The following SERTAD2 variants were observed in gnomAD, a reference collection of about 807,000 sequenced individuals.
The protein encoded by SERTAD2 is SERTA domain-containing protein 2.
Under a neutral mutation model 15.4 loss-of-function variants are expected in SERTAD2, and 2 were observed. That is an observed-to-expected ratio of 0.13 (90% confidence interval 0.05 to 0.41). The LOEUF is 0.41. Among genes scored for constraint, SERTAD2 ranks in the 10% least tolerant of loss-of-function variants. SERTAD2 has a pLI of 0.99. For synonymous variants in SERTAD2, 180 were observed against 178.0 expected, an observed-to-expected ratio of 1.01 and a Z score of -0.09; for missense variants, 333 against 409.7, an observed-to-expected ratio of 0.81 and a Z score of 1.62.
chr2:64,636,758 C>G lies in SERTAD2; in HGVS notation c.114G>C (p.Gln38His). 6.2e-7 allele frequency: 1 copy of G among 1,614,178 alleles called. No homozygotes were observed. Among genetic ancestry groups the G allele is most frequent in the South Asian group, 1.1e-5 (1 of 91,076 alleles). Reference protein sequence around the residue: ...PSKVSYTLQRQTIFNISLMKL... With the variant: ...PSKVSYTLQRHTIFNISLMKL... ...TCATAAGGGAAATGTTGAAGATAGT[C>G]TGGCGCTGTAAGGTGTAAGACACCT... Residue 38 changes from glutamine to histidine, a missense_variant, in exon 2 of 2, where the codon CAG (glutamine) becomes CAC (histidine). This residue lies in a region of SERTAD2 where 332 missense variants were observed against 392.9 expected (regional missense o/e 0.84). Coordinates refer to ENST00000313349, the MANE Select transcript of SERTAD2 (RefSeq NM_014755.3).
intron 1 of SERTAD2, among the ~76,000 whole-genome samples, chr2:64,642,380 A>G (rs55650562): frequency 0.02 from 2,988 of 152,338 alleles, 83 homozygotes; most frequent in African/African-American, 0.066. Context: ...AGAGTAAGTA[A>G]CATCTCCCAC....
chr2:64,647,746 A>C (rs1239883115), intron 1 of SERTAD2, among the ~76,000 whole-genome samples: 1 of 152,118 alleles, frequency 6.6e-6, no homozygotes, highest in South Asian at 2.1e-4. Context: ...TTTTAGAACA[A>C]TTCTGTGAAA....
chr2:64,635,851 G>T lies in SERTAD2; in HGVS notation c.*76C>A. 1 of 1,139,024 alleles carries T rather than the reference G, an allele frequency of 8.8e-7. No individual in the cohort carries two copies. The highest frequency in any genetic ancestry group is 1.3e-6 in the Non-Finnish European group (1 of 778,660). The allele number at this position is 1,139,024 out of a possible 1,614,324, so 70.6% of individuals were successfully genotyped here. On this transcript the variant is annotated 3_prime_UTR_variant, in exon 2 of 2. Transcript: ENST00000313349. ...CTGAAAAAGGCAAGCAAGGGTGCAT[G>T]CACAGTGTGGAGAACTGTCAGGGTT...
Position 64,636,480 on chromosome 2 carries a change from G to C in SERTAD2, c.392C>G (p.Thr131Ser). The C allele has an allele frequency of 6.2e-7, 1 of 1,613,872 alleles. No homozygotes were observed. The highest frequency in any genetic ancestry group is 8.5e-7 in the Non-Finnish European group (1 of 1,179,876). ...GTCGTCCTCGAGCAGTGAGGCCGGG[G>C]TGAGGCAGGCCTCCAGGGGCGTAGT... ...GSTTPLEACL[T>S]PASLLEDDDD... The change falls in exon 2 of 2, where the codon ACC (threonine) becomes AGC (serine). Residue 131 changes from threonine to serine, a missense_variant. Coordinates refer to ENST00000313349, the MANE Select transcript of SERTAD2 (RefSeq NM_014755.3).
In SERTAD2 at chr2:64,634,692, GA is replaced by G. The variant is rs1236237316; in HGVS notation, c.*1234del. 5 of 152,176 alleles carry G rather than the reference GA, an allele frequency of 3.3e-5. No homozygotes were observed. Among genetic ancestry groups the G allele is most frequent in the Non-Finnish European group, 5.9e-5 (4 of 68,040 alleles). The allele number at this position is 152,176 out of a possible 1,614,324, so 9.4% of individuals were successfully genotyped here. A position where few individuals can be genotyped will look rare whatever the true frequency, so the allele number is the denominator to read the frequency against. The stretch of plus-strand genomic sequence containing the variant: ...AGCAACATGATGGATGCCTTCTGGG[GA>G]GATTTTCTTCTTTAAGGGCCCTAAG... On this transcript the variant is annotated 3_prime_UTR_variant, in exon 2 of 2. Coordinates refer to ENST00000313349, the MANE Select transcript of SERTAD2 (RefSeq NM_014755.3).
At chr2:64,652,788 G>A (rs1304853057) in intron 1 of SERTAD2, among the ~76,000 whole-genome samples, 1 of 152,022 alleles carries the variant, frequency 6.6e-6, no homozygotes. Flanking sequence ...GTGAAACTTA[G>A]AAACTAAACC....
chr2:64,644,962 A>C (rs1261185455), intron 1 of SERTAD2: 2 of 151,814 alleles, frequency 1.3e-5, no homozygotes, highest in African/African-American at 4.9e-5. Context: ...ATTTACAGAC[A>C]GGGTAAGTAA....
chr2:64,646,869 A>G (rs1277702452), intron 1 of SERTAD2, among the ~76,000 whole-genome samples: 1 of 152,268 alleles, frequency 6.6e-6, no homozygotes, highest in African/African-American at 2.4e-5. Context: ...AGAAACCAAC[A>G]GTTCAGAATT....
At chr2:64,642,399 T>C (rs1166774676) in intron 1 of SERTAD2, among the ~76,000 whole-genome samples, 1 of 152,144 alleles carries the variant, frequency 6.6e-6, no homozygotes, top group Non-Finnish European at 1.5e-5. Flanking sequence ...ACTACTACAT[T>C]TTGCATTTTG....
In SERTAD2 at chr2:64,653,905, T is replaced by G. The variant is rs1382890183; in HGVS notation, c.-290A>C. 2.0e-5 allele frequency: 3 copies of G among 150,248 alleles called. No individual in the cohort carries two copies. Among genetic ancestry groups the G allele is most frequent in the African/African-American group, 7.3e-5 (3 of 40,918 alleles). 9.3% of individuals were successfully genotyped at this position (150,248 alleles called of 1,614,324 possible). On this transcript the variant is annotated 5_prime_UTR_variant, in exon 1 of 2. Transcript: ENST00000313349. Reference sequence around the variant, plus strand: ...GTACGTCGTGCTCCAGCACTCGCCGTGCAGGAGTGACGTGCGGCCCGCGAG... The same window carrying G: ...GTACGTCGTGCTCCAGCACTCGCCGGGCAGGAGTGACGTGCGGCCCGCGAG...
At chr2:64,637,153 A>G (rs746612423) in intron 1 of SERTAD2, among the ~76,000 whole-genome samples, 7 of 152,214 alleles carry the variant, frequency 4.6e-5, no homozygotes, top group Non-Finnish European at 8.8e-5. Context: ...AGACAAGTTA[A>G]GAATTACCAT....
intron 1 of SERTAD2, among the ~76,000 whole-genome samples, chr2:64,652,069 A>T (rs1675023888): frequency 6.6e-6 from 1 of 152,178 alleles, no homozygotes; most frequent in Admixed American, 6.5e-5. Flanking sequence ...TACCCCTCTA[A>T]AGAAGTCAAT....
Position 64,636,210 on chromosome 2 carries a change from A to T in SERTAD2, c.662T>A (p.Leu221Gln). The T allele has an allele frequency of 6.2e-7, 1 of 1,614,204 alleles. No homozygotes were observed. The highest frequency in any genetic ancestry group is 1.1e-5 in the South Asian group (1 of 91,076). Residue 221 changes from leucine to glutamine, a missense_variant, in exon 2 of 2, where the codon CTG becomes CAG. Leu to Gln is a moderately radical substitution (Grantham distance 113). Around this residue, in one of 2 missense-constraint regions of SERTAD2, gnomAD observed 332 missense variants for 392.9 expected, o/e 0.84. Transcript: ENST00000313349. ...AAAATTCCCAGGCAGAGAGTCCATC[A>T]GTTTTGAGTCATCTGCGCGGCTCTC... ...PQESRADDSKLMDSLPGNFEI... is the reference protein window; with the variant it reads ...PQESRADDSKQMDSLPGNFEI...
rs1198968381 is a variant in SERTAD2, at chr2:64,634,146, AT to A, written c.*1780del. 6.6e-6 allele frequency: 1 copy of A among 152,376 alleles called. No individual in the cohort carries two copies. The highest frequency in any genetic ancestry group is 1.9e-4 in the East Asian group (1 of 5,192). The allele number at this position is 152,376 out of a possible 1,614,324, so 9.4% of individuals were successfully genotyped here. On this transcript the variant is annotated 3_prime_UTR_variant, in exon 2 of 2. Transcript: ENST00000313349. ...CAACAAAACATCCCATAATTTAAAA[AT>A]TTTTAAATAAATATAAAAGTTATTC...
rs949278195 is a variant in SERTAD2, at chr2:64,634,117, A to C, written c.*1810T>G. 1 of 152,506 alleles carries C rather than the reference A, an allele frequency of 6.6e-6. No homozygotes were observed. The highest frequency in any genetic ancestry group is 1.9e-4 in the East Asian group (1 of 5,204). 9.4% of individuals were successfully genotyped at this position (152,506 alleles called of 1,614,324 possible). On this transcript the variant is annotated 3_prime_UTR_variant, in exon 2 of 2. Coordinates refer to ENST00000313349, the MANE Select transcript of SERTAD2 (RefSeq NM_014755.3). The stretch of plus-strand genomic sequence containing the variant: ...CAAATGACCAACAACAAAGACAACA[A>C]CAACAACAAAACATCCCATAATTTA...
chr2:64,638,871 A>G (rs1376133755), intron 1 of SERTAD2, among the ~76,000 whole-genome samples: 1 of 152,228 alleles, frequency 6.6e-6, no homozygotes, highest in Non-Finnish European at 1.5e-5. Context: ...AACATTTCCT[A>G]TCTAAAGTAT....
rs1573077878 is a variant in SERTAD2 at position 64,632,050 on chromosome 2, A to G, written c.*3877T>C. 6.5e-6 allele frequency: 1 copy of G among 152,788 alleles called. No individual in the cohort carries two copies. Among genetic ancestry groups the G allele is most frequent in the Non-Finnish European group, 1.5e-5 (1 of 68,042 alleles). 9.5% of individuals were successfully genotyped at this position (152,788 alleles called of 1,614,324 possible). ...TTAGAAACACTGAAAACAATTGTAC[A>G]TAAGCAGGATGCACACAACTCCATG... On this transcript the variant is annotated 3_prime_UTR_variant, in exon 2 of 2. Coordinates refer to ENST00000313349, the MANE Select transcript of SERTAD2 (RefSeq NM_014755.3).
At chr2:64,638,578 G>C (rs1489359385) in intron 1 of SERTAD2, among the ~76,000 whole-genome samples, 1 of 152,228 alleles carries the variant, frequency 6.6e-6, no homozygotes, top group African/African-American at 2.4e-5. Context: ...CTCCAGAAGA[G>C]ACAGATGAAC....
In SERTAD2 at chr2:64,642,055, G is replaced by T. The variant is rs1331717977; in HGVS notation, c.-4-5180C>A. ...CCTCATCAGGCCATTTCAAGTTTAGGCCGGAGGATATCTTTATTCAGTTAA... is the reference window on the plus strand; with the variant it reads ...CCTCATCAGGCCATTTCAAGTTTAGTCCGGAGGATATCTTTATTCAGTTAA... On this transcript the variant is annotated intron_variant, in intron 1 of 1. Coordinates refer to ENST00000313349, the MANE Select transcript of SERTAD2 (RefSeq NM_014755.3). Among the ~76,000 whole-genome samples, 3 of 152,288 alleles carry T rather than the reference G, an allele frequency of 2.0e-5. No individual in the cohort carries two copies. The East Asian group carries it at 5.8e-4, about 29-fold the overall frequency.
Sources: allele counts gnomAD v4.1 joint callset (sites outside exome capture counted in the v4.1 genomes callset), GRCh38; gene constraint gnomAD v4.1.1; regional missense constraint gnomAD v4.1.1; transcripts MANE v1.5; gene names NCBI Gene and HGNC (gene_info 2026-07-23, HGNC 2026-07-21).